CCDC63: variants seen among roughly 807,000 people sequenced by gnomAD.
CCDC63 encodes coiled-coil domain containing 63.
A neutral mutation model predicts 63.6 loss-of-function variants in CCDC63; 54 were observed. The ratio of observed to expected loss-of-function variants is 0.85; its 90% confidence interval spans 0.68 to 1.07. CCDC63 has a LOEUF of 1.07. Ranked by LOEUF, CCDC63 falls within the 50% of genes least tolerant of loss-of-function variation. The probability of loss-of-function intolerance (pLI) is 0.00; values close to 1 mark genes in which losing one functional copy is unlikely to be tolerated. For synonymous variants in CCDC63, 253 were observed against 266.1 expected (o/e 0.95, Z 0.48); for missense variants, 637 against 689.6 (o/e 0.92, Z 0.86).
Position 110,907,365 on chromosome 12 carries a change from G to A in CCDC63, c.1581G>A (p.Gln527=). ...CCCTGGACCACAGCAGCCTTCGGCA[G>A]CTGGTTCTCGACAATTATATCCTGA... ...EQPLDHSSLR[Q]LVLDNYILKE... is the part of the protein sequence containing the mutation. Residue 527 remains glutamine (Q), a synonymous_variant, in exon 12 of 12, where the codon CAG becomes CAA. Transcript: ENST00000308208. The surrounding 1 kb of genome is among the most constrained non-coding windows in gnomAD (Gnocchi z 4.4). The A allele has an allele frequency of 6.2e-7, 1 of 1,614,068 alleles. No individual in the cohort carries two copies.
chr12:110,870,855 G>T (rs1048586398), intron 4 of CCDC63, among the ~76,000 whole-genome samples: 1 of 152,078 alleles, frequency 6.6e-6, no homozygotes, highest in Non-Finnish European at 1.5e-5. Flanking sequence ...CCAAATTACT[G>T]CCAGCTTCCC....
At chr12:110,874,379 A>G (rs1220219973) in intron 5 of CCDC63, among the ~76,000 whole-genome samples, 1 of 152,192 alleles carries the variant, frequency 6.6e-6, no homozygotes, top group Non-Finnish European at 1.5e-5. Flanking sequence ...AGATATGCAT[A>G]ACTTGATAAT....
At chr12:110,899,421 C>T (rs1183852088) in intron 10 of CCDC63, among the ~76,000 whole-genome samples, 8 of 152,150 alleles carry the variant, frequency 5.3e-5, no homozygotes, top group African/African-American at 1.7e-4. Context: ...TGGGCTCAGG[C>T]GATCCTCCCA....
At chr12:110,868,126 A>T (rs2071001171) in intron 4 of CCDC63, among the ~76,000 whole-genome samples, 1 of 143,066 alleles carries the variant, frequency 7.0e-6, no homozygotes, top group Non-Finnish European at 1.5e-5. Context: ...CCCACATTTC[A>T]GACGATGGGC....
chr12:110,899,272 G>A, intron 10 of CCDC63, 147 bp downstream of exon 10: 1 of 667,910 alleles, frequency 1.5e-6, no homozygotes, highest in South Asian at 2.2e-5. Context: ...TTGAATCCTG[G>A]GTCTACACTT....
At chr12:110,855,817 G>A (rs2070762846) in intron 3 of CCDC63, among the ~76,000 whole-genome samples, 1 of 152,126 alleles carries the variant, frequency 6.6e-6, no homozygotes, top group African/African-American at 2.4e-5. Context: ...CTGACCTCAG[G>A]TGATCCACCC....
intron 11 of CCDC63, among the ~76,000 whole-genome samples, chr12:110,905,561 G>C (rs1173923505): frequency 1.3e-5 from 2 of 151,948 alleles, no homozygotes; most frequent in East Asian, 3.9e-4. Context: ...CTGGAAACAA[G>C]TATAATGCCC....
At chr12:110,891,092 T>A (rs2071351237) in intron 8 of CCDC63, among the ~76,000 whole-genome samples, 1 of 152,170 alleles carries the variant, frequency 6.6e-6, no homozygotes, top group East Asian at 1.9e-4. Flanking sequence ...TGTGTTTTTT[T>A]AATGGCTTCT....
rs371014584 is a variant in CCDC63, at chr12:110,907,347, C to T, written c.1563C>T (p.Asp521=). ...TTGGTGCAGTGGAACAGCCCCTGGACCACAGCAGCCTTCGGCAGCTGGTTC... is the reference window on the plus strand; with the variant it reads ...TTGGTGCAGTGGAACAGCCCCTGGATCACAGCAGCCTTCGGCAGCTGGTTC... ...DRLDDVEQPL[D]HSSLRQLVLD... is the part of the protein sequence containing the mutation. The change falls in exon 12 of 12, where the codon GAC becomes GAT. Residue 521 remains aspartate (D), a synonymous_variant. Transcript: ENST00000308208. This position sits in a 1 kb window ranked among gnomAD's most constrained non-coding sequence, Gnocchi z 4.4. 5 of 1,613,680 alleles carry T rather than the reference C, an allele frequency of 3.1e-6. No homozygotes were observed. The African/African-American group carries it at 4.0e-5, about 13-fold the overall frequency.
intron 8 of CCDC63, among the ~76,000 whole-genome samples, chr12:110,892,211 C>A (rs1448494807): frequency 2.6e-5 from 4 of 152,186 alleles, no homozygotes; most frequent in African/African-American, 9.7e-5. Flanking sequence ...AATACCATAG[C>A]CACCAGCCAC....
At chr12:110,891,801 C>G (rs2071360534) in intron 8 of CCDC63, among the ~76,000 whole-genome samples, 2 of 152,122 alleles carry the variant, frequency 1.3e-5, no homozygotes, top group African/African-American at 4.8e-5. Context: ...CATTAACTGA[C>G]CCCCTATCAG....
At chr12:110,867,205 C>A (rs1593655386) in intron 4 of CCDC63, among the ~76,000 whole-genome samples, 1 of 131,800 alleles carries the variant, frequency 7.6e-6, no homozygotes, top group African/African-American at 2.9e-5. Context: ...CCGGACGGGG[C>A]GGCTGGCCGG....
intron 4 of CCDC63, among the ~76,000 whole-genome samples, chr12:110,859,558 G>A (rs1056771495): frequency 9.9e-5 from 15 of 151,822 alleles, no homozygotes; most frequent in African/African-American, 3.6e-4. Context: ...TTCCCGCCTC[G>A]GCCTCCCAAA....
rs114576038 is a variant in CCDC63 at position 110,853,467 on chromosome 12, G to A, written c.72G>A (p.Glu24=). ...TPQEPSEKAK[E]QQAEAELRKL... is the part of the protein sequence containing the mutation. Reference sequence around the variant, plus strand: ...AGGAACCTTCGGAGAAGGCCAAAGAGCAGCAGGCGGAGGCAGAGCTCCGGA... The same window carrying A: ...AGGAACCTTCGGAGAAGGCCAAAGAACAGCAGGCGGAGGCAGAGCTCCGGA... Residue 24 remains glutamate (E), a synonymous_variant, in exon 3 of 12, where the codon GAG becomes GAA. Transcript: ENST00000308208. 1.7e-4 allele frequency: 272 copies of A among 1,614,192 alleles called. 1 individual carries two copies. In the African/African-American group the frequency reaches 3.4e-3, roughly 20 times the overall value.
At chr12:110,851,787 C>T (rs961820236) in intron 1 of CCDC63, among the ~76,000 whole-genome samples, 10 of 152,198 alleles carry the variant, frequency 6.6e-5, no homozygotes, top group Non-Finnish European at 1.2e-4. Flanking sequence ...GCACTTACTA[C>T]GTCCCAAGCA....
intron 3 of CCDC63, among the ~76,000 whole-genome samples, chr12:110,855,573 C>A (rs949551185): frequency 1.3e-5 from 2 of 151,982 alleles, no homozygotes; most frequent in Admixed American, 1.3e-4. Context: ...AGTTTAGGTT[C>A]TTATTATTTT....
chr12:110,858,796 G>A (rs779371687), intron 4 of CCDC63, 21 bp downstream of exon 4: 2 of 1,605,906 alleles, frequency 1.2e-6, no homozygotes, highest in African/African-American at 1.3e-5. Flanking sequence ...TCTCTTAAAG[G>A]GTTAACCAGA....
Position 110,847,536 on chromosome 12 carries a change from CAG to C in CCDC63, c.-97+445_-97+446del, listed in dbSNP as rs755217259. 5.0e-4 allele frequency among the ~76,000 whole-genome samples: 73 copies of C among 145,324 alleles called. No individual in the cohort carries two copies. The South Asian group carries it at 7.6e-3, about 15-fold the overall frequency. ...AACCACTGCACGCTAGCCTGGGTGACAGAGAGAGAGAGAGACGCTCTCAAAAA... is the reference window on the plus strand; with the variant it reads ...AACCACTGCACGCTAGCCTGGGTGACAGAGAGAGAGAGACGCTCTCAAAAA... On this transcript the variant is annotated intron_variant, in intron 1 of 11. Transcript: ENST00000308208.
intron 4 of CCDC63, among the ~76,000 whole-genome samples, chr12:110,867,521 G>A (rs1277744170): frequency 2.6e-5 from 3 of 115,044 alleles, no homozygotes; most frequent in Non-Finnish European, 5.5e-5. Flanking sequence ...CTGGCCGGGC[G>A]GGGGGCTGAC....
Sources: allele counts gnomAD v4.1 joint callset (sites outside exome capture counted in the v4.1 genomes callset), GRCh38; gene constraint gnomAD v4.1.1; non-coding constraint Gnocchi (gnomAD v3.1); transcripts MANE v1.5; gene names NCBI Gene and HGNC (gene_info 2026-07-23, HGNC 2026-07-21).